MYCBP2: variants seen among roughly 807,000 people sequenced by gnomAD.
MYCBP2 encodes the protein E3 ubiquitin-protein ligase MYCBP2.
A neutral mutation model predicts 525.3 loss-of-function variants in MYCBP2; 120 were observed. The observed-to-expected ratio is 0.23, with a 90% CI of 0.20 to 0.27. The LOEUF (loss-of-function observed/expected upper bound fraction) is 0.27, where lower values mean the gene tolerates loss of function less well. MYCBP2 is among the 10% of genes least tolerant of loss of function. The pLI, the probability that MYCBP2 is intolerant of heterozygous loss-of-function variation, is 1.00. For missense variants in MYCBP2, 4,149 were observed against 5,657.1 expected, an observed-to-expected ratio of 0.73 and a Z score of 8.55; for synonymous variants, 1,894 against 1,955.8, an observed-to-expected ratio of 0.97 and a Z score of 0.83.
rs971799979 is a variant in MYCBP2, at chr13:77,233,151, A to G, written c.2737+5T>C. ...CCCACCTAGGTGATAAGGAAGACCA[A>G]ATACCTTTGTGCTTGTCCCGTTTAT... On this transcript the variant is annotated splice_donor_5th_base_variant and intron_variant, in intron 18 of 82. Transcript: ENST00000544440. The G allele has an allele frequency of 3.7e-6, 6 of 1,612,266 alleles. No homozygotes were observed. Among genetic ancestry groups the G allele is most frequent in the South Asian group, 1.1e-5 (1 of 90,872 alleles).
intron 1 of MYCBP2, among the ~76,000 whole-genome samples, chr13:77,316,409 T>C (rs17762281): frequency 0.013 from 1,980 of 152,244 alleles, 20 homozygotes; most frequent in Middle Eastern, 0.027. Context: ...CCAAAGGCAA[T>C]GCCCATATTG....
rs79098688 is a variant in MYCBP2, at chr13:77,113,078, A to G, written c.8140+8295T>C. Among the ~76,000 whole-genome samples, 90 of 152,260 alleles carry G rather than the reference A, an allele frequency of 5.9e-4. 1 individual carries two copies. The East Asian group carries it at 6.6e-3, about 11-fold the overall frequency. ...GTGCTTAGTACACTGCCTGACACGT[A>G]GGTGGACTCAATAAAATACTTTGTG... On this transcript the variant is annotated intron_variant, in intron 55 of 82. Coordinates refer to ENST00000544440, the MANE Select transcript of MYCBP2 (RefSeq NM_015057.5).
chr13:77,139,976 C>T lies in MYCBP2; in HGVS notation c.7518+71G>A, dbSNP rs1057036083. 3.0e-6 allele frequency: 3 copies of T among 986,514 alleles called. No individual in the cohort carries two copies. In the African/African-American group the frequency reaches 4.9e-5, roughly 16 times the overall value. 61.1% of individuals were successfully genotyped at this position (986,514 alleles called of 1,614,324 possible). A position where few individuals can be genotyped will look rare whatever the true frequency, so the allele number is the denominator to read the frequency against. On this transcript the variant is annotated intron_variant, in intron 51 of 82. Coordinates refer to ENST00000544440, the MANE Select transcript of MYCBP2 (RefSeq NM_015057.5). ...ATATTCTGACAAAAAACTCAGTAAC[C>T]TTATTATTATGCAAACAATGCAAAA... is the stretch of plus-strand genomic sequence containing the variant.
intron 44 of MYCBP2, among the ~76,000 whole-genome samples, chr13:77,160,623 C>A (rs878864566): frequency 2.0e-5 from 3 of 151,996 alleles, no homozygotes; most frequent in Admixed American, 2.0e-4. Flanking sequence ...ATACTGATTT[C>A]GAAGTGTAAT....
Position 77,270,570 on chromosome 13 carries a change from A to C in MYCBP2, c.946-32T>G, listed in dbSNP as rs575138072. 50 of 1,561,282 alleles carry C rather than the reference A, an allele frequency of 3.2e-5. 1 individual carries two copies. The East Asian group carries it at 5.9e-4, about 18-fold the overall frequency. On this transcript the variant is annotated intron_variant, in intron 5 of 82. Transcript: ENST00000544440. ...AAAAGAGAAGAAAAATAATGAAAAA[A>C]CATTTTTAAATGTTACAAACACAGA... is the stretch of plus-strand genomic sequence containing the variant.
chr13:77,294,813 G>A (rs7337555), intron 2 of MYCBP2, among the ~76,000 whole-genome samples: 4,891 of 152,196 alleles, frequency 0.032, 212 homozygotes, highest in East Asian at 0.17. Flanking sequence ...CTGCCTACCC[G>A]GCAACACTTT....
chr13:77,199,704 C>A (rs2154267121), intron 26 of MYCBP2, among the ~76,000 whole-genome samples: 1 of 152,352 alleles, frequency 6.6e-6, no homozygotes, highest in South Asian at 2.1e-4. Context: ...TGAGAAAGGG[C>A]AGACTGCCTC....
chr13:77,104,464 G>A (rs74862883), intron 55 of MYCBP2, among the ~76,000 whole-genome samples: 1 of 152,174 alleles, frequency 6.6e-6, no homozygotes, highest in Non-Finnish European at 1.5e-5. Flanking sequence ...CATCACATCA[G>A]GTGCTGAGAA....
intron 36 of MYCBP2, 123 bp from the exon 37 acceptor site, chr13:77,174,612 T>C: frequency 1.4e-6 from 1 of 724,132 alleles, no homozygotes; most frequent in Non-Finnish European, 2.2e-6. Context: ...ATGATATAAT[T>C]AAATAAGTTT....
At chr13:77,183,535 CTATT>C (rs1332872957) in intron 32 of MYCBP2, among the ~76,000 whole-genome samples, 130 of 79,634 alleles carry the variant, frequency 1.6e-3, no homozygotes, top group African/African-American at 5.1e-3. Context: ...GTGATAGTCC[CTATT>C]TCTTTTTTTT....
At position 77,251,350 on chromosome 13, in the gene MYCBP2, C is replaced by T. The variant is rs1350710153; in HGVS notation, c.2182G>A (p.Gly728Arg). ...GAMNQGGKGFGVENMATAMDE... is the reference protein window; with the variant it reads ...GAMNQGGKGFRVENMATAMDE... ...ATTGCTGTTGCCATATTTTCAACTC[C>T]AAACCCTATTTGACAGATCAATTTG... is the stretch of plus-strand genomic sequence containing the variant. Residue 728 changes from glycine (G) to arginine (R), a missense_variant, in exon 15 of 83, where the codon GGA becomes AGA. Transcript: ENST00000544440. 6.2e-7 allele frequency: 1 copy of T among 1,613,790 alleles called. No homozygotes were observed. Among genetic ancestry groups the T allele is most frequent in the South Asian group, 1.1e-5 (1 of 91,056 alleles).
At chr13:77,235,204 A>G (rs2067725970) in intron 17 of MYCBP2, among the ~76,000 whole-genome samples, 1 of 152,116 alleles carries the variant, frequency 6.6e-6, no homozygotes, top group Admixed American at 6.5e-5. Flanking sequence ...ACAGAAATAA[A>G]AACACAAACT....
chr13:77,139,250 G>C lies in MYCBP2; in HGVS notation c.7605C>G (p.Ala2535=), dbSNP rs149854402. 163 of 1,613,844 alleles carry C rather than the reference G, an allele frequency of 1.0e-4. 1 individual carries two copies. In the African/African-American group the frequency reaches 1.8e-3, roughly 18 times the overall value. The change falls in exon 52 of 83, where the codon GCC becomes GCG. Residue 2535 remains alanine, a synonymous_variant. Coordinates refer to ENST00000544440, the MANE Select transcript of MYCBP2 (RefSeq NM_015057.5). ...GATGTTGATTAAAAGAGAGGCACCA[G>C]GCTTCAGTGTAACCATTCATGTTAG... ...YVPNMNGYTE[A]WCLSFNQHLG...
chr13:77,077,490 G>A (rs1397353041), intron 66 of MYCBP2, 103 bp from the exon 67 acceptor site: 1 of 1,376,014 alleles, frequency 7.3e-7, no homozygotes, highest in Non-Finnish European at 1.0e-6. Context: ...ACAAAGAATT[G>A]CACAGAGTAA....
rs539896863 is a variant in MYCBP2 at position 77,199,949 on chromosome 13, G to C, written c.3843+5307C>G. ...AAACCACAAAGATGGGGAAAAAACA[G>C]AGCAGAAAAACTGGAAACTCTAAAA... On this transcript the variant is annotated intron_variant, in intron 26 of 82. Transcript: ENST00000544440. Among the ~76,000 whole-genome samples, 156 of 152,316 alleles carry C rather than the reference G, an allele frequency of 1.0e-3. 1 individual carries two copies. Among genetic ancestry groups the C allele is most frequent in the Middle Eastern group, 3.4e-3 (1 of 294 alleles).
intron 15 of MYCBP2, among the ~76,000 whole-genome samples, chr13:77,246,973 C>T (rs1254062229): frequency 1.3e-5 from 2 of 152,056 alleles, no homozygotes; most frequent in Non-Finnish European, 2.9e-5. Context: ...ATGATCTCAA[C>T]ATAAAAACCA....
intron 49 of MYCBP2, among the ~76,000 whole-genome samples, chr13:77,142,159 G>C (rs1244844138): frequency 3.9e-5 from 6 of 152,120 alleles, no homozygotes; most frequent in Admixed American, 3.9e-4. Context: ...TGTCATTCTT[G>C]GCTATTTCTA....
chr13:77,087,336 T>C (rs1306518083), intron 62 of MYCBP2, 148 bp downstream of exon 62: 2 of 689,256 alleles, frequency 2.9e-6, no homozygotes, highest in Admixed American at 2.8e-5. Context: ...CCAGGTCTCA[T>C]TATTAATACT....
At chr13:77,138,532 T>C (rs2054104645) in intron 52 of MYCBP2, among the ~76,000 whole-genome samples, 1 of 152,116 alleles carries the variant, frequency 6.6e-6, no homozygotes, top group Admixed American at 6.5e-5. Context: ...TTGATGGTAA[T>C]GAAAAAAGGA....
Sources: allele counts gnomAD v4.1 joint callset (sites outside exome capture counted in the v4.1 genomes callset), GRCh38; gene constraint gnomAD v4.1.1; transcripts MANE v1.5; gene names NCBI Gene and HGNC (gene_info 2026-07-23, HGNC 2026-07-21).